Variants in DEPDC1B observed in about 807,000 individuals in gnomAD.
The protein encoded by DEPDC1B is DEP domain containing 1B, also known as DEP domain-containing protein 1B.
A neutral mutation model predicts 66.5 loss-of-function variants in DEPDC1B; 51 were observed. The ratio of observed to expected loss-of-function variants is 0.77; its 90% CI spans 0.61 to 0.97. DEPDC1B has a LOEUF of 0.97. Ranked by LOEUF, DEPDC1B falls within the 50% of genes least tolerant of loss-of-function variation. The pLI is 0.00. For missense variants in DEPDC1B, 552 were observed against 637.1 expected (o/e 0.87, Z 1.44); for synonymous variants, 226 against 223.6 (o/e 1.01, Z -0.10).
chr5:60,637,180 G>A (rs1332936376), intron 7 of DEPDC1B, among the ~76,000 whole-genome samples: 1 of 152,138 alleles, frequency 6.6e-6, no homozygotes, highest in East Asian at 1.9e-4. Context: ...CTGCATCCCC[G>A]CCCAAATCTC....
chr5:60,692,823 C>A (rs1483321964), intron 1 of DEPDC1B, among the ~76,000 whole-genome samples: 1 of 152,076 alleles, frequency 6.6e-6, no homozygotes, highest in Non-Finnish European at 1.5e-5. Context: ...AATGAACGAA[C>A]TATTGCTACA....
At position 60,605,721 on chromosome 5, in the gene DEPDC1B, G is replaced by A. The variant is rs1161425274; in HGVS notation, c.1034C>T (p.Pro345Leu). 3 of 1,612,146 alleles carry A rather than the reference G, an allele frequency of 1.9e-6. No homozygotes were observed. Among genetic ancestry groups the A allele is most frequent in the Admixed American group, 1.7e-5 (1 of 59,888 alleles). ...TCGGGTACCAAAGCCATCACACAGG[G>A]GTGGCATCTCTTTGTTTAAGCAAAT... ...ARICLNKEMPPLCDGFGTRTL... is the reference protein window; with the variant it reads ...ARICLNKEMPLLCDGFGTRTL... The change falls in exon 8 of 11, where the codon CCC (proline) becomes CTC (leucine). Residue 345 changes from proline (P) to leucine (L), a missense_variant. Transcript: ENST00000265036.
intron 7 of DEPDC1B, among the ~76,000 whole-genome samples, chr5:60,616,202 C>T (rs1219559299): frequency 6.6e-6 from 1 of 152,118 alleles, no homozygotes; most frequent in Non-Finnish European, 1.5e-5. Flanking sequence ...AAAAACAGAG[C>T]AGAAAAACTG....
At chr5:60,619,735 A>G (rs1035662327) in intron 7 of DEPDC1B, among the ~76,000 whole-genome samples, 2 of 152,246 alleles carry the variant, frequency 1.3e-5, no homozygotes, top group African/African-American at 2.4e-5. Context: ...TATAGATTCA[A>G]TGCCATCCCC....
chr5:60,677,972 T>C (rs1050535545), intron 2 of DEPDC1B, among the ~76,000 whole-genome samples: 4 of 152,188 alleles, frequency 2.6e-5, no homozygotes, highest in Non-Finnish European at 5.9e-5. Flanking sequence ...AAAAGACCTA[T>C]TGGGTAGTGA....
intron 5 of DEPDC1B, 126 bp downstream of exon 5, chr5:60,644,619 G>A (rs1338295711): frequency 2.8e-6 from 2 of 704,802 alleles, no homozygotes; most frequent in Non-Finnish European, 4.3e-6. Flanking sequence ...AAAGGTATTA[G>A]AAAGAATATA....
intron 7 of DEPDC1B, among the ~76,000 whole-genome samples, chr5:60,606,098 C>T (rs1000669739): frequency 6.6e-6 from 1 of 152,136 alleles, no homozygotes; most frequent in Non-Finnish European, 1.5e-5. Flanking sequence ...CTCCCATACA[C>T]TAGACAGATA....
rs1307200128 is a variant in DEPDC1B, at chr5:60,642,835, G to A, written c.734C>T (p.Ser245Leu). 1.2e-6 allele frequency: 2 copies of A among 1,611,268 alleles called. No homozygotes were observed. The highest frequency in any genetic ancestry group is 2.7e-5 in the African/African-American group (2 of 74,812). Residue 245 changes from serine (S) to leucine (L), a missense_variant, in exon 6 of 11, where the codon TCA becomes TTA. Transcript: ENST00000265036. ...KSKELPHWVL[S>L]AMKCLANWPN... ...ACAATTTGCCAAACACTTCATAGCT[G>A]ACAGCACCCAATGAGGAAGTTCTTC...
At chr5:60,681,103 T>C (rs2112016470) in intron 2 of DEPDC1B, among the ~76,000 whole-genome samples, 1 of 152,336 alleles carries the variant, frequency 6.6e-6, no homozygotes, top group South Asian at 2.1e-4. Flanking sequence ...CATTAGTTCC[T>C]TCCTTTCCAG....
At chr5:60,608,985 T>C (rs1377153173) in intron 7 of DEPDC1B, among the ~76,000 whole-genome samples, 3 of 152,060 alleles carry the variant, frequency 2.0e-5, no homozygotes, top group Non-Finnish European at 4.4e-5. Flanking sequence ...TGGTGCATGC[T>C]TGTGGTCCTA....
At chr5:60,669,086 A>G (rs934292050) in intron 2 of DEPDC1B, among the ~76,000 whole-genome samples, 4 of 152,200 alleles carry the variant, frequency 2.6e-5, no homozygotes, top group Non-Finnish European at 5.9e-5. Flanking sequence ...TAGTGCCACC[A>G]CCACTGCCAA....
intron 7 of DEPDC1B, among the ~76,000 whole-genome samples, chr5:60,607,329 A>AC (rs1408618326): frequency 6.6e-6 from 1 of 152,204 alleles, no homozygotes; most frequent in East Asian, 1.9e-4. Flanking sequence ...TTCTAGACCA[A>AC]GTGCTGATCC....
intron 1 of DEPDC1B, among the ~76,000 whole-genome samples, chr5:60,692,362 G>A (rs776835951): frequency 6.6e-5 from 10 of 152,086 alleles, no homozygotes; most frequent in Admixed American, 6.5e-5. Flanking sequence ...TGAGGTGATG[G>A]ATATGGTAAT....
At chr5:60,688,361 A>C (rs1754469701) in intron 1 of DEPDC1B, among the ~76,000 whole-genome samples, 1 of 152,170 alleles carries the variant, frequency 6.6e-6, no homozygotes, top group Admixed American at 6.5e-5. Context: ...GACTGGGTAG[A>C]GAGAGCTCAG....
At chr5:60,620,943 G>A (rs1219158005) in intron 7 of DEPDC1B, among the ~76,000 whole-genome samples, 3 of 152,140 alleles carry the variant, frequency 2.0e-5, no homozygotes, top group East Asian at 3.8e-4. Context: ...TATACACCAC[G>A]GAATACTATG....
intron 2 of DEPDC1B, among the ~76,000 whole-genome samples, chr5:60,679,014 G>T (rs2112010642): frequency 6.6e-6 from 1 of 152,228 alleles, no homozygotes; most frequent in South Asian, 2.1e-4. Context: ...TAAAAGTTCT[G>T]TAGTTTTATA....
At chr5:60,670,742 C>T (rs989297385) in intron 2 of DEPDC1B, among the ~76,000 whole-genome samples, 3 of 152,158 alleles carry the variant, frequency 2.0e-5, no homozygotes, top group African/African-American at 4.8e-5. Flanking sequence ...CCCTACTTAC[C>T]ATCCCTCCCT....
At chr5:60,620,004 A>C (rs1752664707) in intron 7 of DEPDC1B, among the ~76,000 whole-genome samples, 1 of 152,224 alleles carries the variant, frequency 6.6e-6, no homozygotes, top group Non-Finnish European at 1.5e-5. Context: ...CAACTACCTG[A>C]TCTTTGACAA....
At chr5:60,682,371 G>A (rs1385453646) in intron 2 of DEPDC1B, among the ~76,000 whole-genome samples, 2 of 152,184 alleles carry the variant, frequency 1.3e-5, no homozygotes, top group African/African-American at 4.8e-5. Flanking sequence ...GTTGTGGGGT[G>A]CGGGGAGCAG....
Sources: allele counts gnomAD v4.1 joint callset (sites outside exome capture counted in the v4.1 genomes callset), GRCh38; gene constraint gnomAD v4.1.1; transcripts MANE v1.5; gene names NCBI Gene and HGNC (gene_info 2026-07-23, HGNC 2026-07-21).